MICALL2: variants seen among roughly 807,000 people sequenced by gnomAD.
MICALL2 encodes the protein MICAL-like protein 2.
MICALL2 carries 111 observed loss-of-function variants against 91.1 expected under a neutral mutation model. That is an observed-to-expected ratio of 1.22 (90% CI 1.04 to 1.43). MICALL2 has a LOEUF of 1.43. Among genes scored for constraint, MICALL2 ranks in the 40% most tolerant of loss-of-function variants. The pLI, the probability that MICALL2 is intolerant of heterozygous loss-of-function variation, is 0.00. For synonymous variants in MICALL2, 694 were observed against 525.3 expected (o/e 1.32, Z -4.39); for missense variants, 1,556 against 1,236.0 (o/e 1.26, Z -3.88).
rs1436325066 is a variant in MICALL2 at position 1,452,680 on chromosome 7, C to T, written c.144-2392G>A. Among the ~76,000 whole-genome samples the T allele has an allele frequency of 6.6e-6, 1 of 152,190 alleles. No homozygotes were observed. The highest frequency in any genetic ancestry group is 1.5e-5 in the Non-Finnish European group (1 of 68,002). On this transcript the variant is annotated intron_variant, in intron 1 of 16. Transcript: ENST00000297508. The surrounding 1 kb of genome is among the most constrained non-coding windows in gnomAD (Gnocchi z 6.2). ...CAGGGCCATCTCACCCCCAGACCCA[C>T]AGTCAGGCTCTCAGAGCTCCAGGCA...
chr7:1,457,782 CCA>C (rs1405490535), intron 1 of MICALL2, among the ~76,000 whole-genome samples: 5 of 152,262 alleles, frequency 3.3e-5, no homozygotes, highest in African/African-American at 7.2e-5. Context: ...TCTCCCCACC[CCA>C]GAGGCTTTTC....
chr7:1,455,718 C>T (rs560583841), intron 1 of MICALL2, among the ~76,000 whole-genome samples: 1 of 152,090 alleles, frequency 6.6e-6, no homozygotes, highest in Non-Finnish European at 1.5e-5. Flanking sequence ...CTGGTTCCTT[C>T]ACAGCTGCTC....
chr7:1,442,055 C>G (rs1044256580), intron 7 of MICALL2, 137 bp downstream of exon 7: 16 of 1,011,806 alleles, frequency 1.6e-5, no homozygotes, highest in Non-Finnish European at 2.2e-5. Context: ...GAGCAGGTGT[C>G]ACGGAGGACA....
intron 3 of MICALL2, 135 bp from the exon 4 acceptor site, chr7:1,447,900 A>G (rs1001981652): frequency 8.0e-6 from 5 of 623,716 alleles, no homozygotes; most frequent in Non-Finnish European, 1.3e-5. Context: ...GGGGAGAGGT[A>G]ACCCTGAGGG....
At chr7:1,441,577 C>A (rs1396806634) in intron 7 of MICALL2, 1 of 154,916 alleles carries the variant, frequency 6.5e-6, no homozygotes, top group Non-Finnish European at 1.4e-5. Context: ...GGCACCAGAG[C>A]CCTCAGGTCA....
chr7:1,436,880 G>C (rs765902540), intron 14 of MICALL2, 24 bp from the exon 15 acceptor site: 2 of 1,517,430 alleles, frequency 1.3e-6, no homozygotes, highest in Non-Finnish European at 1.8e-6. Context: ...TCGTCAGCAG[G>C]AGCCCCCCCC....
At chr7:1,436,052 C>CA (rs554033109) in intron 15 of MICALL2, among the ~76,000 whole-genome samples, 10,709 of 133,128 alleles carry the variant, frequency 0.08, 1,197 homozygotes, top group African/African-American at 0.26. Context: ...GACTCTGTCT[C>CA]AAAAAAAAAA....
In MICALL2 at chr7:1,434,486, G is replaced by A. The variant is rs767121495; in HGVS notation, c.*110C>T. ...CAAGTCCGAATGCCGGGTCCGGGCC[G>A]AGCCCACGGCCCCGAGTACAAGTCC... is the stretch of plus-strand genomic sequence containing the variant. On this transcript the variant is annotated 3_prime_UTR_variant, in exon 17 of 17. Coordinates refer to ENST00000297508, the MANE Select transcript of MICALL2 (RefSeq NM_182924.4). 4.6e-5 allele frequency: 45 copies of A among 983,988 alleles called. No homozygotes were observed. The highest frequency in any genetic ancestry group is 6.2e-5 in the Non-Finnish European group (38 of 614,716). 61.0% of individuals were successfully genotyped at this position (983,988 alleles called of 1,614,324 possible).
In MICALL2 at chr7:1,451,781, T is replaced by C. The variant is rs1219421503; in HGVS notation, c.144-1493A>G. ...CCGTAGCTGCAGCAAACAGGAAGGC[T>C]GGGCAGGTCTCAAACGGAGAAGTGG... On this transcript the variant is annotated intron_variant, in intron 1 of 16. Transcript: ENST00000297508. This position sits in a 1 kb window ranked among gnomAD's most constrained non-coding sequence, Gnocchi z 4.5. Among the ~76,000 whole-genome samples the C allele has an allele frequency of 6.6e-6, 1 of 152,202 alleles. No individual in the cohort carries two copies. Among genetic ancestry groups the C allele is most frequent in the Non-Finnish European group, 1.5e-5 (1 of 68,030 alleles).
rs530868554 is a variant in MICALL2 at position 1,439,246 on chromosome 7, G to C, written c.1967-251C>G. 3.3e-3 allele frequency: 1,671 copies of C among 513,328 alleles called. 13 individuals carry two copies. Among genetic ancestry groups the C allele is most frequent in the Non-Finnish European group, 2.7e-3 (787 of 287,174 alleles). The allele number at this position is 513,328 out of a possible 1,614,324, so 31.8% of individuals were successfully genotyped here. ...CACACAGGAAGTGGCACGAGAGCTG[G>C]ATATGGATCCAGGGCAGCTATGAGT... is the stretch of plus-strand genomic sequence containing the variant. On this transcript the variant is annotated intron_variant, in intron 9 of 16. Transcript: ENST00000297508.
In MICALL2 at chr7:1,438,374, G is replaced by GC. The variant is rs745541769; in HGVS notation, c.2123-22dup. On this transcript the variant is annotated intron_variant, in intron 10 of 16. Transcript: ENST00000297508. Reference sequence around the variant, plus strand: ...TCTCCCTGGAGAAGGAGCAGGGTGAGCCTCTGGGACCTGGGCCACCAGGCC... The same window carrying GC: ...TCTCCCTGGAGAAGGAGCAGGGTGAGCCCTCTGGGACCTGGGCCACCAGGCC... The GC allele has an allele frequency of 3.1e-6, 5 of 1,590,800 alleles. No individual in the cohort carries two copies. The African/African-American group carries it at 5.4e-5, about 17-fold the overall frequency.
chr7:1,454,374 C>A (rs905181172), intron 1 of MICALL2, among the ~76,000 whole-genome samples: 3 of 140,558 alleles, frequency 2.1e-5, no homozygotes, highest in Non-Finnish European at 4.6e-5. Flanking sequence ...ATGGCACAGT[C>A]GGGATGGCAG....
At chr7:1,440,810 A>AGCCG in intron 7 of MICALL2, 126 bp from the exon 8 acceptor site, 1 of 776,970 alleles carries the variant, frequency 1.3e-6, no homozygotes, top group Non-Finnish European at 2.1e-6. Flanking sequence ...CCCCACAGCC[A>AGCCG]GCCGGCCGGG....
At chr7:1,442,927 G>A (rs1285809948) in intron 6 of MICALL2, among the ~76,000 whole-genome samples, 3 of 152,080 alleles carry the variant, frequency 2.0e-5, no homozygotes, top group African/African-American at 4.8e-5. Context: ...ATGTGACACA[G>A]TCTCTCTGGC....
In MICALL2 at chr7:1,451,645, G is replaced by A. The variant is rs868684195; in HGVS notation, c.144-1357C>T. On this transcript the variant is annotated intron_variant, in intron 1 of 16. Coordinates refer to ENST00000297508, the MANE Select transcript of MICALL2 (RefSeq NM_182924.4). The surrounding 1 kb of genome is among the most constrained non-coding windows in gnomAD (Gnocchi z 4.5). ...ACAGAGGGAGCTGGGGCTGCAAGCC[G>A]TGTCCTGCCTCACCCCGGCCTGCAT... Among the ~76,000 whole-genome samples, 1 of 152,232 alleles carries A rather than the reference G, an allele frequency of 6.6e-6. No individual in the cohort carries two copies. Among genetic ancestry groups the A allele is most frequent in the African/African-American group, 2.4e-5 (1 of 41,466 alleles).
In MICALL2 at chr7:1,437,042, C is replaced by T. The variant is rs370153985; in HGVS notation, c.2477-186G>A. 1.5e-4 allele frequency: 79 copies of T among 512,860 alleles called. No individual in the cohort carries two copies. The East Asian group carries it at 1.7e-3, about 11-fold the overall frequency. 31.8% of individuals were successfully genotyped at this position (512,860 alleles called of 1,614,324 possible). A position where few individuals can be genotyped will look rare whatever the true frequency, so the allele number is the denominator to read the frequency against. On this transcript the variant is annotated intron_variant, in intron 14 of 16. Coordinates refer to ENST00000297508, the MANE Select transcript of MICALL2 (RefSeq NM_182924.4). ...AGGAAGGAACGGCCACGTCAGAGCCCGTGTGCTGGGATCCTTCCCCATCAT... is the reference window on the plus strand; with the variant it reads ...AGGAAGGAACGGCCACGTCAGAGCCTGTGTGCTGGGATCCTTCCCCATCAT...
At chr7:1,448,571 G>T in intron 3 of MICALL2, 49 bp downstream of exon 3, 1 of 1,607,446 alleles carries the variant, frequency 6.2e-7, no homozygotes, top group Non-Finnish European at 8.5e-7. Context: ...CCAGGCCAAG[G>T]ATGGGGGGCC....
chr7:1,441,380 G>A (rs932596634), intron 7 of MICALL2: 1 of 154,318 alleles, frequency 6.5e-6, no homozygotes, highest in African/African-American at 2.4e-5. Flanking sequence ...CTGGCACAGG[G>A]TTGGCCTCAC....
At chr7:1,439,040 A>ACTGGGAGC (rs1780131291) in intron 9 of MICALL2, 45 bp from the exon 10 acceptor site, 4 of 1,470,846 alleles carry the variant, frequency 2.7e-6, no homozygotes, top group African/African-American at 2.8e-5. Context: ...GAGCAGGGCC[A>ACTGGGAGC]CTGGGAGCCT....
Sources: gnomAD v4.1 joint callset for allele counts (sites outside exome capture counted in the v4.1 genomes callset) on GRCh38, gnomAD v4.1.1 for gene constraint, Gnocchi (gnomAD v3.1) non-coding constraint, MANE v1.5 for transcripts, NCBI Gene and HGNC (gene_info 2026-07-23, HGNC 2026-07-21) for gene names.